Variants in NACC2 observed in about 807,000 individuals in gnomAD.
NACC2 encodes nucleus accumbens-associated protein 2.
A neutral mutation model predicts 25.1 loss-of-function variants in NACC2; 8 were observed. The observed-to-expected ratio is 0.32, with a 90% CI of 0.19 to 0.57. The LOEUF is 0.57. NACC2 is among the 20% of genes least tolerant of loss of function. The pLI is 0.89. For missense variants in NACC2, 644 were observed against 650.2 expected, an observed-to-expected ratio of 0.99 and a Z score of 0.10; for synonymous variants, 435 against 294.7, an observed-to-expected ratio of 1.48 and a Z score of -4.88.
At chr9:136,070,016 G>A (rs2131177546) in intron 1 of NACC2, among the ~76,000 whole-genome samples, 1 of 152,000 alleles carries the variant, frequency 6.6e-6, no homozygotes, top group African/African-American at 2.4e-5. Context: ...TCACGTGCCT[G>A]TGGAACATAT....
At chr9:136,093,978 G>A (rs970348165) in intron 1 of NACC2, among the ~76,000 whole-genome samples, 1 of 152,246 alleles carries the variant, frequency 6.6e-6, no homozygotes, top group African/African-American at 2.4e-5. Flanking sequence ...AGAGGGGTGG[G>A]TGAGAAGAAG....
rs1288379724 is a variant in NACC2, at chr9:136,018,547, G to A, written c.887-2118C>T. ...CCCCAGGGACCCACTGGCCCAGGAT[G>A]AGCGTGGTACGCACTGCACCTGTCA... On this transcript the variant is annotated intron_variant, in intron 2 of 5. Coordinates refer to ENST00000277554, the MANE Select transcript of NACC2 (RefSeq NM_144653.5). This position sits in a 1 kb window ranked among gnomAD's most constrained non-coding sequence, Gnocchi z 4.4. 6.6e-6 allele frequency among the ~76,000 whole-genome samples: 1 copy of A among 152,046 alleles called. No individual in the cohort carries two copies. Among genetic ancestry groups the A allele is most frequent in the Non-Finnish European group, 1.5e-5 (1 of 68,000 alleles).
rs972921976 is a variant in NACC2 at position 136,092,620 on chromosome 9, T to C, written c.-60+2569A>G. ...GCCTACCTTGTCCTCAGAACCACAA[T>C]GGGAGGCTGGTCAGCCTGGGCCACT... On this transcript the variant is annotated intron_variant, in intron 1 of 5. Transcript: ENST00000277554. Among the ~76,000 whole-genome samples the C allele has an allele frequency of 1.4e-4, 22 of 152,266 alleles. No individual in the cohort carries two copies. The South Asian group carries it at 1.7e-3, about 11-fold the overall frequency.
At chr9:136,059,563 G>A (rs527443402) in intron 1 of NACC2, among the ~76,000 whole-genome samples, 17 of 152,342 alleles carry the variant, frequency 1.1e-4, no homozygotes, top group Admixed American at 3.3e-4. Flanking sequence ...TCGGCTAGAC[G>A]TTAAACAAAA....
At chr9:136,077,048 CGG>C (rs1830270454) in intron 1 of NACC2, among the ~76,000 whole-genome samples, 3 of 148,228 alleles carry the variant, frequency 2.0e-5, no homozygotes, top group Admixed American at 6.7e-5. Context: ...GGTGTGGTGG[CGG>C]GCGCCTGTAG....
chr9:136,040,128 A>ACTTG (rs1840606289), intron 2 of NACC2, among the ~76,000 whole-genome samples: 1 of 151,942 alleles, frequency 6.6e-6, no homozygotes, highest in Non-Finnish European at 1.5e-5. Context: ...GGTGGATTAC[A>ACTTG]AGGTCAGGGG....
chr9:136,043,532 C>T (rs1840677072), intron 2 of NACC2, among the ~76,000 whole-genome samples: 1 of 152,206 alleles, frequency 6.6e-6, no homozygotes. Context: ...CTCATGCAGC[C>T]CCTTGGCCTC....
intron 1 of NACC2, among the ~76,000 whole-genome samples, chr9:136,093,623 C>T (rs1564247090): frequency 6.6e-6 from 1 of 152,230 alleles, no homozygotes; most frequent in African/African-American, 2.4e-5. Context: ...GCCGAAAGGA[C>T]AGGGGGCCAC....
rs372891353 is a variant in NACC2, at chr9:136,086,019, C to T, written c.-60+9170G>A. Among the ~76,000 whole-genome samples the T allele has an allele frequency of 2.2e-4, 33 of 151,334 alleles. No homozygotes were observed. The East Asian group carries it at 5.5e-3, about 25-fold the overall frequency. On this transcript the variant is annotated intron_variant, in intron 1 of 5. Transcript: ENST00000277554. The surrounding 1 kb of genome is among the most constrained non-coding windows in gnomAD (Gnocchi z 5.6). ...GACTGGGCACCGCGCAGGGCAGCTC[C>T]GATGGGAGGGGTTGGCAGAGCCCGG...
chr9:136,028,833 A>G (rs568935602), intron 2 of NACC2, among the ~76,000 whole-genome samples: 25 of 152,158 alleles, frequency 1.6e-4, no homozygotes, highest in Admixed American at 9.8e-4. Context: ...CCGATTTTGG[A>G]GCAAAGTTGT....
chr9:136,009,526 T>A lies in NACC2; in HGVS notation c.*1990A>T, dbSNP rs1276420417. The A allele has an allele frequency of 1.3e-5, 2 of 152,302 alleles. No individual in the cohort carries two copies. Among genetic ancestry groups the A allele is most frequent in the African/African-American group, 4.8e-5 (2 of 41,448 alleles). 9.4% of individuals were successfully genotyped at this position (152,302 alleles called of 1,614,324 possible). A position where few individuals can be genotyped will look rare whatever the true frequency, so the allele number is the denominator to read the frequency against. On this transcript the variant is annotated 3_prime_UTR_variant, in exon 6 of 6. Coordinates refer to ENST00000277554, the MANE Select transcript of NACC2 (RefSeq NM_144653.5). Reference sequence around the variant, plus strand: ...CAGTGCCTGCCCATGGTCCCCCACCTCCTTCTGGAAAGCAACGTATTTTTC... The same window carrying A: ...CAGTGCCTGCCCATGGTCCCCCACCACCTTCTGGAAAGCAACGTATTTTTC...
rs895835901 is a variant in NACC2, at chr9:136,047,473, G to A, written c.886+2163C>T. On this transcript the variant is annotated intron_variant, in intron 2 of 5. Coordinates refer to ENST00000277554, the MANE Select transcript of NACC2 (RefSeq NM_144653.5). The stretch of plus-strand genomic sequence containing the variant: ...GAGCCAAACTGTATGGTAGGTGGGC[G>A]GGAGCAGGCCTGGCCTCCCAGCCGC... Among the ~76,000 whole-genome samples the A allele has an allele frequency of 3.3e-4, 51 of 152,364 alleles. 2 individuals are homozygous for A. The highest frequency in any genetic ancestry group is 1.2e-3 in the African/African-American group (48 of 41,584).
chr9:136,023,164 G>A (rs1243470160), intron 2 of NACC2, among the ~76,000 whole-genome samples: 2 of 146,592 alleles, frequency 1.4e-5, no homozygotes, highest in Non-Finnish European at 3.0e-5. Flanking sequence ...TGGCCTCTCT[G>A]GGTCTCCTGG....
At chr9:136,024,209 TGTGTGTGTGTGAGGACAGAGG>T (rs1840343662) in intron 2 of NACC2, among the ~76,000 whole-genome samples, 1 of 110,222 alleles carries the variant, frequency 9.1e-6, no homozygotes, top group African/African-American at 3.7e-5. Flanking sequence ...GAGGACAGAG[TGTGTGTGTGTGAGGACAGAGG>T]GTGTGTGTGA....
intron 1 of NACC2, among the ~76,000 whole-genome samples, chr9:136,085,950 A>G (rs1322842383): frequency 6.6e-6 from 1 of 151,140 alleles, no homozygotes; most frequent in Non-Finnish European, 1.5e-5. Flanking sequence ...GAGGCTGGGC[A>G]CTGCACAGAA....
chr9:136,083,056 G>A (rs1830340686), intron 1 of NACC2, among the ~76,000 whole-genome samples: 1 of 152,192 alleles, frequency 6.6e-6, no homozygotes, highest in Non-Finnish European at 1.5e-5. Context: ...ATCTCCTGAC[G>A]ACCGAGCACT....
At chr9:136,048,339 C>T (rs1331399672) in intron 2 of NACC2, among the ~76,000 whole-genome samples, 5 of 152,296 alleles carry the variant, frequency 3.3e-5, no homozygotes, top group East Asian at 1.9e-4. Flanking sequence ...CTCAGCCAGC[C>T]GGGTCCACAA....
At chr9:136,062,487 G>A (rs145923373) in intron 1 of NACC2, among the ~76,000 whole-genome samples, 90 of 152,302 alleles carry the variant, frequency 5.9e-4, no homozygotes, top group African/African-American at 2.0e-3. Context: ...GTAGCACTTC[G>A]TCTTCAGTGC....
intron 1 of NACC2, among the ~76,000 whole-genome samples, chr9:136,051,777 C>G (rs1840843639): frequency 6.6e-6 from 1 of 152,164 alleles, no homozygotes; most frequent in Non-Finnish European, 1.5e-5. Context: ...CTCCGCCTGG[C>G]AGGACAGGCT....
Sources: gnomAD v4.1 joint callset for allele counts (sites outside exome capture counted in the v4.1 genomes callset) on GRCh38, gnomAD v4.1.1 for gene constraint, Gnocchi (gnomAD v3.1) non-coding constraint, MANE v1.5 for transcripts, NCBI Gene and HGNC (gene_info 2026-07-23, HGNC 2026-07-21) for gene names.